The following CCSER1 variants were observed in gnomAD, a reference collection of about 807,000 sequenced individuals.
CCSER1 encodes the protein serine-rich coiled-coil domain-containing protein 1.
CCSER1 carries 41 observed loss-of-function variants against 82.0 expected under a neutral mutation model. The ratio of observed to expected loss-of-function variants is 0.50; its 90% CI spans 0.39 to 0.65. CCSER1 has a LOEUF of 0.65. CCSER1 is among the 30% of genes least tolerant of loss of function. CCSER1 has a pLI of 0.00. For missense variants in CCSER1, 1,119 were observed against 1,064.2 expected (o/e 1.05, Z -0.72); for synonymous variants, 414 against 383.9 (o/e 1.08, Z -0.92).
intron 8 of CCSER1, among the ~76,000 whole-genome samples, chr4:90,847,891 CTT>C (rs979018018): frequency 1.3e-5 from 2 of 151,800 alleles, no homozygotes; most frequent in African/African-American, 4.8e-5. Context: ...TTCTTTTTCT[CTT>C]GTTCTTTTTA....
intron 9 of CCSER1, among the ~76,000 whole-genome samples, chr4:91,062,907 C>T (rs140405236): frequency 1.3e-5 from 2 of 152,124 alleles, no homozygotes; most frequent in Non-Finnish European, 2.9e-5. Context: ...TTTACATATA[C>T]TAATGTATGT....
intron 1 of CCSER1, among the ~76,000 whole-genome samples, chr4:90,192,299 G>T (rs187009780): frequency 3.9e-4 from 60 of 152,092 alleles, no homozygotes; most frequent in African/African-American, 1.4e-3. Context: ...CCTGCCCCAT[G>T]ATTCAATCAC....
chr4:91,380,939 C>G (rs1004457847), intron 10 of CCSER1, among the ~76,000 whole-genome samples: 4 of 152,112 alleles, frequency 2.6e-5, no homozygotes, highest in Admixed American at 2.6e-4. Flanking sequence ...TAGGACAGGC[C>G]TAGTGGTGAC....
At chr4:90,224,429 A>C (rs1002867780) in intron 1 of CCSER1, among the ~76,000 whole-genome samples, 1 of 152,212 alleles carries the variant, frequency 6.6e-6, no homozygotes, top group Non-Finnish European at 1.5e-5. Flanking sequence ...AATAGGCTTA[A>C]GTAGAAAACT....
At chr4:90,363,608 G>GAA (rs33948729) in intron 3 of CCSER1, among the ~76,000 whole-genome samples, 1 of 149,974 alleles carries the variant, frequency 6.7e-6, no homozygotes, top group African/African-American at 2.4e-5. Context: ...AGGGCAGAAA[G>GAA]AAAAAAAAAA....
At chr4:90,372,782 G>T (rs113218672) in intron 3 of CCSER1, among the ~76,000 whole-genome samples, 4 of 151,940 alleles carry the variant, frequency 2.6e-5, no homozygotes, top group African/African-American at 7.2e-5. Flanking sequence ...CTAGATTAGG[G>T]TTATACTTTT....
intron 6 of CCSER1, among the ~76,000 whole-genome samples, chr4:90,658,857 C>A (rs1730209330): frequency 6.6e-6 from 1 of 152,198 alleles, no homozygotes; most frequent in Non-Finnish European, 1.5e-5. Context: ...ATTTCACAAA[C>A]TAAATATCTT....
intron 5 of CCSER1, among the ~76,000 whole-genome samples, chr4:90,591,142 TG>T (rs2148690364): frequency 6.6e-6 from 1 of 152,302 alleles, no homozygotes; most frequent in South Asian, 2.1e-4. Context: ...TTTTGTACAT[TG>T]CTGTTGTAGC....
intron 10 of CCSER1, among the ~76,000 whole-genome samples, chr4:91,134,843 C>T (rs1017326377): frequency 6.6e-6 from 1 of 152,116 alleles, no homozygotes; most frequent in African/African-American, 2.4e-5. Flanking sequence ...AGACAGACCA[C>T]AAGGTCAAGA....
intron 5 of CCSER1, among the ~76,000 whole-genome samples, chr4:90,484,045 C>T (rs1766559313): frequency 1.3e-5 from 2 of 152,208 alleles, no homozygotes; most frequent in Admixed American, 1.3e-4. Context: ...CACATAGTCA[C>T]ATATTTCTTG....
chr4:91,345,063 G>T (rs956783948), intron 10 of CCSER1, among the ~76,000 whole-genome samples: 1 of 152,110 alleles, frequency 6.6e-6, no homozygotes, highest in Non-Finnish European at 1.5e-5. Flanking sequence ...GAAGAAGGAA[G>T]CACTTTCCTA....
chr4:90,808,287 T>C (rs960177613), intron 7 of CCSER1, among the ~76,000 whole-genome samples: 8 of 152,040 alleles, frequency 5.3e-5, no homozygotes, highest in African/African-American at 1.9e-4. Flanking sequence ...CCATAAAAAT[T>C]ATATTAGAAA....
intron 5 of CCSER1, among the ~76,000 whole-genome samples, chr4:90,488,486 C>T (rs893667701): frequency 5.9e-5 from 9 of 152,100 alleles, no homozygotes; most frequent in Admixed American, 3.9e-4. Flanking sequence ...CTGCACCAGG[C>T]GACGTCCTCT....
chr4:91,568,377 A>T (rs1762997677), intron 10 of CCSER1, among the ~76,000 whole-genome samples: 1 of 151,880 alleles, frequency 6.6e-6, no homozygotes, highest in African/African-American at 2.4e-5. Flanking sequence ...TATTTCCTGA[A>T]TTTGACTGTT....
chr4:90,611,063 T>TC (rs1350666914), intron 5 of CCSER1, among the ~76,000 whole-genome samples: 5 of 130,468 alleles, frequency 3.8e-5, no homozygotes, highest in Non-Finnish European at 4.8e-5. Flanking sequence ...TCTTTTCTTT[T>TC]TTTTTTTTTT....
chr4:90,845,895 C>G (rs1763181935), intron 8 of CCSER1, among the ~76,000 whole-genome samples: 1 of 150,666 alleles, frequency 6.6e-6, no homozygotes, highest in Admixed American at 6.6e-5. Context: ...TTTTCTCATT[C>G]TGCAGTACAT....
intron 9 of CCSER1, among the ~76,000 whole-genome samples, chr4:90,962,057 A>C (rs1388395168): frequency 6.6e-6 from 1 of 152,122 alleles, no homozygotes; most frequent in Admixed American, 6.5e-5. Flanking sequence ...TTTAATTCTC[A>C]TAACACTTTG....
intron 10 of CCSER1, among the ~76,000 whole-genome samples, chr4:91,466,994 G>GA (rs1334043043): frequency 1.3e-5 from 2 of 152,168 alleles, no homozygotes; most frequent in South Asian, 2.1e-4. Flanking sequence ...CACAGAATTA[G>GA]AAAAAAACTA....
intron 4 of CCSER1, among the ~76,000 whole-genome samples, chr4:90,403,743 G>T (rs1753286548): frequency 6.6e-6 from 1 of 152,024 alleles, no homozygotes; most frequent in African/African-American, 2.4e-5. Context: ...TGAATTTTTG[G>T]CTACAGAGTC....
Sources: gnomAD v4.1 joint callset for allele counts (sites outside exome capture counted in the v4.1 genomes callset) on GRCh38, gnomAD v4.1.1 for gene constraint, MANE v1.5 for transcripts, NCBI Gene and HGNC (gene_info 2026-07-23, HGNC 2026-07-21) for gene names.